PRH1: variants seen among roughly 807,000 people sequenced by gnomAD.
PRH1 encodes the protein proline rich protein HaeIII subfamily 1.
A neutral mutation model predicts 7.9 loss-of-function variants in PRH1; 7 were observed. That is an observed-to-expected ratio of 0.89 (90% CI 0.50 to 1.67). PRH1 has a LOEUF of 1.67. PRH1 is among the 40% of genes most tolerant of loss of function. The pLI is 0.00. For synonymous variants in PRH1, 45 were observed against 80.8 expected (o/e 0.56, Z 2.38); for missense variants, 109 against 223.6 (o/e 0.49, Z 3.27).
At chr12:11,130,306 G>A (rs1426567218) in intron 1 of PRH1, among the ~76,000 whole-genome samples, 4 of 152,250 alleles carry the variant, frequency 2.6e-5, no homozygotes, top group Non-Finnish European at 4.4e-5. Context: ...CATAGGTGAT[G>A]TTTTAAGGTT....
At chr12:11,045,101 T>C (rs921070443) in intron 1 of PRH1, among the ~76,000 whole-genome samples, 1 of 152,116 alleles carries the variant, frequency 6.6e-6, no homozygotes, top group Non-Finnish European at 1.5e-5. Context: ...ATGGTACATA[T>C]ACACAATGGA....
At chr12:11,037,094 C>G (rs1024136602) in intron 1 of PRH1, among the ~76,000 whole-genome samples, 1 of 151,988 alleles carries the variant, frequency 6.6e-6, no homozygotes, top group African/African-American at 2.4e-5. Context: ...TTTTAAAATT[C>G]GATAAGAAAC....
chr12:11,084,011 A>C (rs76072993), intron 1 of PRH1, among the ~76,000 whole-genome samples: 12,095 of 70,538 alleles, frequency 0.17, 965 homozygotes, highest in Non-Finnish European at 0.24. Flanking sequence ...ATCCTACCTC[A>C]CACCCCTCCT....
intron 1 of PRH1, among the ~76,000 whole-genome samples, chr12:11,045,580 T>C (rs1393474207): frequency 6.6e-6 from 1 of 152,124 alleles, no homozygotes; most frequent in Non-Finnish European, 1.5e-5. Context: ...TAAAAATACA[T>C]TTTAAAAAAA....
At chr12:11,072,557 A>C (rs1427583616) in intron 1 of PRH1, among the ~76,000 whole-genome samples, 1 of 152,254 alleles carries the variant, frequency 6.6e-6, no homozygotes, top group Middle Eastern at 3.2e-3. Flanking sequence ...AATGGAATTG[A>C]TCACTACCAT....
intron 2 of PRH1, among the ~76,000 whole-genome samples, chr12:10,937,137 A>T (rs1950300982): frequency 6.6e-6 from 1 of 151,836 alleles, no homozygotes; most frequent in Admixed American, 6.6e-5. Flanking sequence ...CCCCTTTTGG[A>T]GATTACCTCT....
At chr12:11,136,166 C>T (rs1946546541) in intron 1 of PRH1, among the ~76,000 whole-genome samples, 1 of 152,140 alleles carries the variant, frequency 6.6e-6, no homozygotes, top group South Asian at 2.1e-4. Context: ...CACACTTTAC[C>T]AACTAGGTAT....
chr12:10,908,826 C>G, intron 2 of PRH1: 4 of 1,613,742 alleles, frequency 2.5e-6, no homozygotes, highest in African/African-American at 1.3e-5. Flanking sequence ...TCTTTCATAT[C>G]GGTCCAGCCA....
intron 1 of PRH1, among the ~76,000 whole-genome samples, chr12:11,111,107 C>T (rs752029858): frequency 6.6e-6 from 1 of 152,188 alleles, no homozygotes; most frequent in East Asian, 1.9e-4. Context: ...AGCTAACTAT[C>T]CTAAATATAT....
intron 1 of PRH1, chr12:11,159,397 C>G (rs1947350009): frequency 6.6e-6 from 1 of 150,522 alleles, no homozygotes; most frequent in South Asian, 2.1e-4. Flanking sequence ...AGGCAGGTGG[C>G]AAACTAGATA....
chr12:11,153,296 T>A (rs1447957903), intron 1 of PRH1, among the ~76,000 whole-genome samples: 1 of 152,174 alleles, frequency 6.6e-6, no homozygotes, highest in Non-Finnish European at 1.5e-5. Context: ...CCTACGACTG[T>A]CTTCAAAAAA....
intron 1 of PRH1, among the ~76,000 whole-genome samples, chr12:11,035,545 T>G (rs7301237): frequency 0.21 from 31,964 of 152,042 alleles, 3,960 homozygotes; most frequent in Non-Finnish European, 0.27. Context: ...AAACCAAGTA[T>G]TCCTAAAACC....
chr12:11,134,059 T>C (rs1327943686), intron 1 of PRH1: 1 of 1,613,994 alleles, frequency 6.2e-7, no homozygotes, highest in Non-Finnish European at 8.5e-7. Context: ...AATGTAGTAA[T>C]AACACCCAGA....
At chr12:10,924,679 G>A (rs548107978) in intron 2 of PRH1, among the ~76,000 whole-genome samples, 85 of 152,268 alleles carry the variant, frequency 5.6e-4, no homozygotes, top group African/African-American at 1.9e-3. Context: ...CAATTTCAGA[G>A]CCTGTTAGTG....
At position 11,031,072 on chromosome 12, in the gene PRH1, C is replaced by G. The variant is rs544402716; in HGVS notation, c.-126+15948G>C. On this transcript the variant is annotated intron_variant, in intron 1 of 3. Transcript: ENST00000539853. ...AGTTGCTGAAATGGCCGGTTACTGC[C>G]CAGACATTATAAGCAGTAGTTCTTA... The G allele has an allele frequency of 1.5e-4, 244 of 1,611,872 alleles. No homozygotes were observed. The East Asian group carries it at 2.9e-3, about 19-fold the overall frequency.
At chr12:11,057,259 AACT>A (rs1460248828) in intron 1 of PRH1, among the ~76,000 whole-genome samples, 3 of 152,172 alleles carry the variant, frequency 2.0e-5, no homozygotes, top group Non-Finnish European at 4.4e-5. Flanking sequence ...TGGCCTCCCA[AACT>A]ACTAAGACTA....
chr12:10,997,135 T>TA, intron 1 of PRH1: 1 of 1,614,008 alleles, frequency 6.2e-7, no homozygotes, highest in South Asian at 1.1e-5. Context: ...TCCAAAACGA[T>TA]ATGATTAGAC....
intron 1 of PRH1, among the ~76,000 whole-genome samples, chr12:11,035,825 A>T (rs1415892669): frequency 6.6e-6 from 1 of 152,198 alleles, no homozygotes; most frequent in Non-Finnish European, 1.5e-5. Flanking sequence ...ATTAAAATTA[A>T]TTAAATAGAG....
In PRH1 at chr12:10,972,576, T is replaced by C. The variant is rs1255199580; in HGVS notation, c.-59+1079A>G. 2.0e-5 allele frequency among the ~76,000 whole-genome samples: 3 copies of C among 152,340 alleles called. No individual in the cohort carries two copies. In the East Asian group the frequency reaches 5.8e-4, roughly 29 times the overall value. On this transcript the variant is annotated intron_variant, in intron 2 of 3. Coordinates refer to the PRH1 transcript ENST00000539853. ...GATTTTTCACTTGCAAGCATGCAAA[T>C]GAAGACATATTCTCTTTCATTGTTT...
Sources: gnomAD v4.1 joint callset for allele counts (sites outside exome capture counted in the v4.1 genomes callset) on GRCh38, gnomAD v4.1.1 for gene constraint, MANE v1.5 for transcripts, NCBI Gene and HGNC (gene_info 2026-07-23, HGNC 2026-07-21) for gene names.